PLCH1: variants seen among roughly 807,000 people sequenced by gnomAD.
PLCH1 encodes 1-phosphatidylinositol 4,5-bisphosphate phosphodiesterase eta-1.
A neutral mutation model predicts 126.7 loss-of-function variants in PLCH1; 60 were observed. The observed-to-expected ratio is 0.47, with a 90% CI of 0.38 to 0.59. The LOEUF (loss-of-function observed/expected upper bound fraction) is 0.59, where lower values mean the gene tolerates loss of function less well. Ranked by LOEUF, PLCH1 falls within the 20% of genes least tolerant of loss-of-function variation. The pLI is 0.00. For synonymous variants in PLCH1, 719 were observed against 734.9 expected (o/e 0.98, Z 0.35); for missense variants, 1,723 against 2,040.0 (o/e 0.84, Z 2.99).
intron 6 of PLCH1, among the ~76,000 whole-genome samples, 174 bp from the exon 7 acceptor site, chr3:155,568,498 C>A (rs916169334): frequency 1.3e-5 from 2 of 152,156 alleles, no homozygotes; most frequent in African/African-American, 4.8e-5. Context: ...GACCATGATT[C>A]AATCTTCCTA....
At chr3:155,500,179 C>A (rs1336761526) in intron 14 of PLCH1, among the ~76,000 whole-genome samples, 1 of 151,996 alleles carries the variant, frequency 6.6e-6, no homozygotes, top group Non-Finnish European at 1.5e-5. Context: ...ATAAAGCAAA[C>A]AAACAAACAA....
At chr3:155,675,125 A>G (rs541042106) in intron 2 of PLCH1, among the ~76,000 whole-genome samples, 97 of 152,338 alleles carry the variant, frequency 6.4e-4, no homozygotes, top group African/African-American at 1.8e-3. Context: ...GCAAACATCA[A>G]TGCTGGTACT....
intron 2 of PLCH1, among the ~76,000 whole-genome samples, chr3:155,646,426 A>C (rs1386980888): frequency 9.2e-5 from 14 of 152,154 alleles, no homozygotes; most frequent in Admixed American, 8.5e-4. Context: ...AGCTAGTGTC[A>C]CAGTTCTGTC....
chr3:155,566,592 A>C (rs540587785), intron 7 of PLCH1, among the ~76,000 whole-genome samples: 1 of 152,104 alleles, frequency 6.6e-6, no homozygotes, highest in East Asian at 1.9e-4. Context: ...TTAAGGTAGT[A>C]AGCCAAAAGT....
intron 11 of PLCH1, among the ~76,000 whole-genome samples, chr3:155,522,151 C>G (rs534431990): frequency 6.6e-6 from 1 of 152,190 alleles, no homozygotes; most frequent in African/African-American, 2.4e-5. Flanking sequence ...TACACTATGG[C>G]TGGCAACCAA....
intron 2 of PLCH1, among the ~76,000 whole-genome samples, chr3:155,694,092 A>G (rs2109051508): frequency 6.6e-6 from 1 of 152,216 alleles, no homozygotes; most frequent in South Asian, 2.1e-4. Flanking sequence ...TTCAAGATTC[A>G]GTATAAAATA....
At chr3:155,740,746 G>A (rs1469336782) in intron 1 of PLCH1, among the ~76,000 whole-genome samples, 1 of 152,118 alleles carries the variant, frequency 6.6e-6, no homozygotes, top group African/African-American at 2.4e-5. Context: ...GCCCTCCCTA[G>A]ATTTCCTGAA....
At chr3:155,527,680 C>A (rs769391375) in intron 10 of PLCH1, among the ~76,000 whole-genome samples, 2 of 151,838 alleles carry the variant, frequency 1.3e-5, no homozygotes, top group Admixed American at 6.6e-5. Flanking sequence ...CTTTGGGAGG[C>A]CGAGGGAGAT....
At chr3:155,724,804 TG>T (rs563536037) in intron 1 of PLCH1, among the ~76,000 whole-genome samples, 5 of 145,030 alleles carry the variant, frequency 3.4e-5, no homozygotes, top group Admixed American at 7.0e-5. Flanking sequence ...CTGAATACCT[TG>T]GGGGGTTTTG....
chr3:155,483,110 C>T, intron 22 of PLCH1, 59 bp from the exon 23 acceptor site: 3 of 1,430,626 alleles, frequency 2.1e-6, no homozygotes, highest in Non-Finnish European at 1.9e-6. Flanking sequence ...GACCTGCAAA[C>T]ACTCATGTTG....
At chr3:155,629,020 T>A (rs987085245) in intron 2 of PLCH1, among the ~76,000 whole-genome samples, 2 of 152,208 alleles carry the variant, frequency 1.3e-5, no homozygotes, top group African/African-American at 4.8e-5. Context: ...CTGGAGTCAC[T>A]TCTCAGTCAC....
chr3:155,721,935 T>C (rs1747976233), intron 1 of PLCH1, among the ~76,000 whole-genome samples: 2 of 152,114 alleles, frequency 1.3e-5, no homozygotes, highest in Middle Eastern at 3.4e-3. Context: ...TAATCTCAGC[T>C]ACTCGGGAGG....
intron 2 of PLCH1, among the ~76,000 whole-genome samples, chr3:155,612,709 G>A (rs947975508): frequency 2.6e-5 from 4 of 151,908 alleles, no homozygotes; most frequent in African/African-American, 7.3e-5. Context: ...TTGGGAGTTC[G>A]AGATCAGTGA....
intron 7 of PLCH1, among the ~76,000 whole-genome samples, chr3:155,566,328 T>C (rs368598607): frequency 1.5e-3 from 15 of 9,714 alleles, no homozygotes; most frequent in South Asian, 4.7e-3. Context: ...TACATATATA[T>C]ACGTATATAT....
chr3:155,589,868 T>A (rs970658936), intron 4 of PLCH1, among the ~76,000 whole-genome samples: 1 of 152,230 alleles, frequency 6.6e-6, no homozygotes, highest in Admixed American at 6.5e-5. Flanking sequence ...TCAACTGATC[T>A]TAACACACCT....
intron 10 of PLCH1, among the ~76,000 whole-genome samples, chr3:155,532,937 G>A (rs1301021216): frequency 6.6e-6 from 1 of 152,206 alleles, no homozygotes; most frequent in African/African-American, 2.4e-5. Context: ...GGAGGGCTCA[G>A]AAGAAGATAG....
At position 155,458,558 on chromosome 3, in the gene PLCH1, A is replaced by AAAAGAAAG. The variant is rs67516588; in HGVS notation, c.2938+26790_2938+26797dup. Among the ~76,000 whole-genome samples, 3 of 128,382 alleles carry AAAAGAAAG rather than the reference A, an allele frequency of 2.3e-5. 1 individual carries two copies. The South Asian group carries it at 7.4e-4, about 32-fold the overall frequency. 84.2% of individuals were successfully genotyped at this position (128,382 alleles called of 152,430 possible). A position where few individuals can be genotyped will look rare whatever the true frequency, so the allele number is the denominator to read the frequency against. ...AGAAAAAGAAAAAGAAAGAAAGAGAAAAAGAAAGAAAGAAAGAAAGAAAGG... is the reference window on the plus strand; with the variant it reads ...AGAAAAAGAAAAAGAAAGAAAGAGAAAAAGAAAGAAAGAAAGAAAGAAAGAAAGAAAGG... On this transcript the variant is annotated intron_variant, in intron 21 of 21. Transcript: ENST00000494598.
chr3:155,702,721 C>A (rs562460219), intron 2 of PLCH1, among the ~76,000 whole-genome samples: 1 of 152,200 alleles, frequency 6.6e-6, no homozygotes, highest in East Asian at 1.9e-4. Context: ...AAAACTGGCA[C>A]AAAATAAAGC....
intron 1 of PLCH1, among the ~76,000 whole-genome samples, chr3:155,739,910 T>C (rs1289226806): frequency 6.6e-6 from 1 of 152,200 alleles, no homozygotes; most frequent in Non-Finnish European, 1.5e-5. Context: ...CACTTCCTCC[T>C]TTTCTTCCAG....
Sources: allele counts gnomAD v4.1 joint callset (sites outside exome capture counted in the v4.1 genomes callset), GRCh38; gene constraint gnomAD v4.1.1; transcripts MANE v1.5; gene names NCBI Gene and HGNC (gene_info 2026-07-23, HGNC 2026-07-21).